The following FERMT1 variants were observed in gnomAD, a reference collection of about 807,000 sequenced individuals.
FERMT1 encodes the protein fermitin family homolog 1.
A neutral mutation model predicts 85.3 loss-of-function variants in FERMT1; 60 were observed. The ratio of observed to expected loss-of-function variants is 0.70; its 90% confidence interval spans 0.57 to 0.87. The LOEUF (loss-of-function observed/expected upper bound fraction) is 0.87. Among genes scored for constraint, FERMT1 ranks in the 40% least tolerant of loss-of-function variants. FERMT1 has a pLI of 0.00. For missense variants in FERMT1, 701 were observed against 818.9 expected (o/e 0.86, Z 1.76); for synonymous variants, 275 against 301.1 (o/e 0.91, Z 0.90).
At position 6,077,214 on chromosome 20, in the gene FERMT1, C is replaced by T. The variant is rs773618744; in HGVS notation, c.1993G>A (p.Asp665Asn). Residue 665 changes from aspartate (D) to asparagine (N), a missense_variant, in exon 15 of 15, where the codon GAT (aspartate) becomes AAT (asparagine). By Grantham distance (23) the Asp-to-Asn change is conservative. Coordinates refer to ENST00000217289, the MANE Select transcript of FERMT1 (RefSeq NM_017671.5). ...TRSKDQNETLDEDLFHKLTGG... is the reference protein window; with the variant it reads ...TRSKDQNETLNEDLFHKLTGG... ...GTCAATTTGTGGAACAAGTCCTCAT[C>T]GAGTGTTTCATTCTGGTCCTTGGAG... is the stretch of plus-strand genomic sequence containing the variant. The T allele has an allele frequency of 1.3e-5, 21 of 1,614,154 alleles. No individual in the cohort carries two copies. In the South Asian group the frequency reaches 1.6e-4, roughly 13 times the overall value.
intron 12 of FERMT1, among the ~76,000 whole-genome samples, chr20:6,084,700 T>C (rs1380270184): frequency 1.3e-5 from 2 of 152,186 alleles, no homozygotes; most frequent in South Asian, 2.1e-4. Flanking sequence ...TACTCCTTTT[T>C]TTTTTTTTTC....
intron 10 of FERMT1, among the ~76,000 whole-genome samples, chr20:6,088,333 A>G (rs1456355274): frequency 6.6e-6 from 1 of 152,246 alleles, no homozygotes; most frequent in Non-Finnish European, 1.5e-5. Context: ...ACACTGAATT[A>G]AATATAACTG....
intron 9 of FERMT1, among the ~76,000 whole-genome samples, chr20:6,089,819 GT>G (rs1388548796): frequency 1.3e-5 from 2 of 152,236 alleles, no homozygotes; most frequent in African/African-American, 4.8e-5. Context: ...ACTAGACAAG[GT>G]TGGTGGTGCC....
chr20:6,107,407 C>G (rs1438890589), intron 6 of FERMT1, 125 bp downstream of exon 6: 1 of 587,598 alleles, frequency 1.7e-6, no homozygotes, highest in African/African-American at 1.9e-5. Flanking sequence ...CAGTCTCACC[C>G]TGCAGGGCTA....
intron 14 of FERMT1, 152 bp from the exon 15 acceptor site, chr20:6,077,498 T>C: frequency 1.3e-6 from 1 of 745,076 alleles, no homozygotes; most frequent in African/African-American, 1.8e-5. Context: ...TCACTTCCAT[T>C]AAACGCTTCC....
chr20:6,084,440 C>G (rs924105242), intron 12 of FERMT1, among the ~76,000 whole-genome samples: 1 of 152,146 alleles, frequency 6.6e-6, no homozygotes, highest in African/African-American at 2.4e-5. Context: ...GGAGTGTCCA[C>G]AGACAATGAT....
At chr20:6,093,651 C>T (rs578212678) in intron 9 of FERMT1, among the ~76,000 whole-genome samples, 4 of 152,262 alleles carry the variant, frequency 2.6e-5, no homozygotes, top group African/African-American at 7.2e-5. Flanking sequence ...CCATTTATGC[C>T]AGGGAAGTTA....
chr20:6,098,005 G>A (rs904105984), intron 6 of FERMT1, among the ~76,000 whole-genome samples: 1 of 151,716 alleles, frequency 6.6e-6, no homozygotes, highest in African/African-American at 2.4e-5. Context: ...TTGTAGAGAT[G>A]GTTTCGCCAT....
intron 9 of FERMT1, among the ~76,000 whole-genome samples, chr20:6,090,572 C>T (rs962399964): frequency 1.3e-5 from 2 of 151,570 alleles, no homozygotes; most frequent in Non-Finnish European, 2.9e-5. Flanking sequence ...CTGGGCAACA[C>T]AGGAAGATCA....
intron 13 of FERMT1, among the ~76,000 whole-genome samples, chr20:6,080,384 G>A (rs1480647821): frequency 6.6e-6 from 1 of 152,126 alleles, no homozygotes; most frequent in Non-Finnish European, 1.5e-5. Flanking sequence ...CCGAACTTAG[G>A]CAATCCTCCT....
At chr20:6,117,416 G>A (rs1399015719) in intron 2 of FERMT1, among the ~76,000 whole-genome samples, 9 of 142,326 alleles carry the variant, frequency 6.3e-5, no homozygotes, top group African/African-American at 1.9e-4. Context: ...TTACAGGTGC[G>A]CACCACCATG....
chr20:6,120,268 G>A (rs1034380764), intron 1 of FERMT1: 9 of 151,954 alleles, frequency 5.9e-5, no homozygotes, highest in East Asian at 1.9e-4. Flanking sequence ...CCATGTATTC[G>A]ATTTACTTAT....
In FERMT1 at chr20:6,088,915, C is replaced by T. The variant is rs6117076; in HGVS notation, c.1264+50G>A. 478,456 of 1,582,012 alleles carry T rather than the reference C, an allele frequency of 0.3. 74,226 individuals carry two copies. The highest frequency in any genetic ancestry group is 0.41 in the South Asian group (37,276 of 90,016). The stretch of plus-strand genomic sequence containing the variant: ...CTGGGATTACAGGTTTGAGCCACCG[C>T]GTCTGCCCTGACTTACGATGAGCCA... On this transcript the variant is annotated intron_variant, in intron 10 of 14. Coordinates refer to ENST00000217289, the MANE Select transcript of FERMT1 (RefSeq NM_017671.5).
At position 6,107,527 on chromosome 20, in the gene FERMT1, C is replaced by G; in HGVS notation, c.849+5G>C. 6.3e-7 allele frequency: 1 copy of G among 1,576,938 alleles called. No homozygotes were observed. The highest frequency in any genetic ancestry group is 8.7e-7 in the Non-Finnish European group (1 of 1,147,602). On this transcript the variant is annotated splice_donor_5th_base_variant and intron_variant, in intron 6 of 14. Coordinates refer to ENST00000217289, the MANE Select transcript of FERMT1 (RefSeq NM_017671.5). The stretch of plus-strand genomic sequence containing the variant: ...GAGAAAGACAAAAGAGAAAAAGTTG[C>G]TTACTTTAGGATTCAAGTCGAAGAA...
At chr20:6,083,819 C>T (rs182017887) in intron 13 of FERMT1, among the ~76,000 whole-genome samples, 1 of 151,924 alleles carries the variant, frequency 6.6e-6, no homozygotes, top group Non-Finnish European at 1.5e-5. Context: ...TTTAAAATTT[C>T]CTTTCCCACA....
chr20:6,110,243 T>C, intron 5 of FERMT1, 55 bp downstream of exon 5: 1 of 1,422,962 alleles, frequency 7.0e-7, no homozygotes, highest in South Asian at 1.2e-5. Context: ...TGACATCCCA[T>C]CTCTTACTGT....
intron 1 of FERMT1, among the ~76,000 whole-genome samples, chr20:6,120,087 A>G (rs1196015789): frequency 6.6e-6 from 1 of 152,148 alleles, no homozygotes; most frequent in Non-Finnish European, 1.5e-5. Flanking sequence ...AAAGCCTCTT[A>G]TCTTTAATAT....
At chr20:6,103,006 C>A (rs1982701883) in intron 6 of FERMT1, among the ~76,000 whole-genome samples, 1 of 152,100 alleles carries the variant, frequency 6.6e-6, no homozygotes, top group Admixed American at 6.5e-5. Flanking sequence ...CTGTACTGAA[C>A]ACTAAAATAC....
chr20:6,082,822 A>AT (rs568091435), intron 13 of FERMT1, among the ~76,000 whole-genome samples: 106 of 151,128 alleles, frequency 7.0e-4, no homozygotes, highest in East Asian at 2.5e-3. Flanking sequence ...CGCCCAGCTA[A>AT]TTTTTTTTTG....
Sources: allele counts gnomAD v4.1 joint callset (sites outside exome capture counted in the v4.1 genomes callset), GRCh38; gene constraint gnomAD v4.1.1; transcripts MANE v1.5; gene names NCBI Gene and HGNC (gene_info 2026-07-23, HGNC 2026-07-21).